Variants in CDK13 observed in about 807,000 individuals in gnomAD.
CDK13 encodes the protein cyclin-dependent kinase 13.
A neutral mutation model predicts 137.6 loss-of-function variants in CDK13; 40 were observed. The ratio of observed to expected loss-of-function variants is 0.29; its 90% CI spans 0.23 to 0.38. The LOEUF (loss-of-function observed/expected upper bound fraction) is 0.38. Ranked by LOEUF, CDK13 falls within the 10% of genes least tolerant of loss-of-function variation. The pLI is 1.00. For missense variants in CDK13, 1,704 were observed against 1,951.8 expected, an observed-to-expected ratio of 0.87 and a Z score of 2.39; for synonymous variants, 869 against 760.1, an observed-to-expected ratio of 1.14 and a Z score of -2.36.
chr7:40,011,906 A>G (rs1784902597), intron 5 of CDK13, among the ~76,000 whole-genome samples: 1 of 152,228 alleles, frequency 6.6e-6, no homozygotes. Context: ...TTGTATCTTA[A>G]ATGTATAAAT....
At chr7:39,992,357 C>T (rs1784481766) in intron 2 of CDK13, among the ~76,000 whole-genome samples, 1 of 151,940 alleles carries the variant, frequency 6.6e-6, no homozygotes, top group Non-Finnish European at 1.5e-5. Flanking sequence ...ACCAGCATGC[C>T]CAGCTAAATT....
chr7:39,954,881 C>G (rs1455489103), intron 1 of CDK13, among the ~76,000 whole-genome samples: 1 of 152,216 alleles, frequency 6.6e-6, no homozygotes, highest in Non-Finnish European at 1.5e-5. Flanking sequence ...ATCAGCCTCC[C>G]AAAGTCCAGG....
intron 9 of CDK13, chr7:40,071,784 A>G (rs903256375): frequency 2.0e-5 from 3 of 152,226 alleles, no homozygotes; most frequent in South Asian, 4.1e-4. Flanking sequence ...CTAATATTCT[A>G]ATTTCTCTGG....
intron 1 of CDK13, among the ~76,000 whole-genome samples, chr7:39,983,914 C>T (rs1784282184): frequency 6.6e-6 from 1 of 152,046 alleles, no homozygotes; most frequent in Non-Finnish European, 1.5e-5. Context: ...TAATTATAAG[C>T]TTATTGATAT....
chr7:39,950,792 C>G lies in CDK13; in HGVS notation c.151C>G (p.Pro51Ala), dbSNP rs949737663. The G allele has an allele frequency of 6.1e-6, 9 of 1,464,580 alleles. No homozygotes were observed. The African/African-American group carries it at 1.0e-4, about 17-fold the overall frequency. 90.7% of individuals were successfully genotyped at this position (1,464,580 alleles called of 1,614,324 possible). A position where few individuals can be genotyped will look rare whatever the true frequency, so the allele number is the denominator to read the frequency against. Residue 51 changes from proline (P) to alanine (A), a missense_variant, in exon 1 of 14, where the codon CCG becomes GCG. Pro to Ala is a conservative substitution (Grantham distance 27). Around this residue, in one of 5 missense-constraint regions of CDK13, gnomAD observed 1,051 missense variants for 931.0 expected, o/e 1.13. Transcript: ENST00000181839. ...GCTCCTGCAGCCGCAGCTCCTGCAA[C>G]CGCCGCCGCCCCCGCCGCCTCTGCT... ...LPLLQPQLLQ[P>A]PPPPPPLLFL...
intron 1 of CDK13, chr7:39,985,044 G>C (rs1784307989): frequency 1.3e-5 from 2 of 151,232 alleles, no homozygotes; most frequent in African/African-American, 4.9e-5. Flanking sequence ...TCAGCCTATT[G>C]TGCTAGCAAA....
At chr7:39,979,873 T>C (rs1234640215) in intron 1 of CDK13, among the ~76,000 whole-genome samples, 2 of 152,040 alleles carry the variant, frequency 1.3e-5, no homozygotes, top group Non-Finnish European at 2.9e-5. Flanking sequence ...GAAAATGTCA[T>C]GATGAAAGTA....
At chr7:39,982,409 C>A (rs1784248574) in intron 1 of CDK13, among the ~76,000 whole-genome samples, 1 of 152,090 alleles carries the variant, frequency 6.6e-6, no homozygotes, top group Non-Finnish European at 1.5e-5. Flanking sequence ...TTAATCCAGT[C>A]TATCATTGTT....
At chr7:39,999,852 A>G (rs1784647232) in intron 4 of CDK13, among the ~76,000 whole-genome samples, 1 of 150,748 alleles carries the variant, frequency 6.6e-6, no homozygotes, top group South Asian at 2.1e-4. Flanking sequence ...TTTTTTTGTC[A>G]TAAGCCTTAC....
intron 1 of CDK13, among the ~76,000 whole-genome samples, chr7:39,956,609 G>A (rs1382780093): frequency 4.0e-5 from 6 of 151,854 alleles, no homozygotes; most frequent in Non-Finnish European, 8.8e-5. Context: ...TTTAGGGATA[G>A]TGTCTAGGTC....
chr7:40,033,771 A>G (rs1476687597), intron 5 of CDK13, among the ~76,000 whole-genome samples: 1 of 152,142 alleles, frequency 6.6e-6, no homozygotes, highest in Non-Finnish European at 1.5e-5. Context: ...TCTATAGCCT[A>G]AAGATTTGTT....
intron 5 of CDK13, among the ~76,000 whole-genome samples, chr7:40,002,989 G>A (rs1273511929): frequency 6.6e-6 from 1 of 151,954 alleles, no homozygotes; most frequent in African/African-American, 2.4e-5. Flanking sequence ...TGAGGCAGGA[G>A]GATCTCTTGA....
chr7:39,960,404 C>T (rs1020945214), intron 1 of CDK13, among the ~76,000 whole-genome samples: 1 of 151,754 alleles, frequency 6.6e-6, no homozygotes, highest in South Asian at 2.1e-4. Context: ...TACAGGCGCC[C>T]GTCACCACGC....
intron 7 of CDK13, among the ~76,000 whole-genome samples, chr7:40,055,384 C>A (rs1178725454): frequency 6.6e-6 from 1 of 151,938 alleles, no homozygotes; most frequent in Non-Finnish European, 1.5e-5. Context: ...TGTGCAAATA[C>A]TGGGTATAGA....
At chr7:40,074,699 C>T (rs1045549114) in intron 9 of CDK13, among the ~76,000 whole-genome samples, 2 of 151,060 alleles carry the variant, frequency 1.3e-5, no homozygotes, top group African/African-American at 4.9e-5. Flanking sequence ...GTGGCATATT[C>T]CTGTAGTCTC....
intron 5 of CDK13, among the ~76,000 whole-genome samples, chr7:40,012,317 T>C (rs1402500206): frequency 1.3e-5 from 2 of 152,128 alleles, no homozygotes; most frequent in Non-Finnish European, 2.9e-5. Context: ...GAATTGTCAT[T>C]AGGTGTGGTG....
chr7:40,036,239 T>C (rs1026042747), intron 5 of CDK13, among the ~76,000 whole-genome samples: 2 of 152,124 alleles, frequency 1.3e-5, no homozygotes, highest in Admixed American at 6.5e-5. Flanking sequence ...TTTTAAAATA[T>C]AGGAACATGA....
chr7:40,057,536 G>A (rs1258535459), intron 7 of CDK13, among the ~76,000 whole-genome samples: 2 of 152,192 alleles, frequency 1.3e-5, no homozygotes, highest in East Asian at 3.8e-4. Flanking sequence ...ACTGCAGTGA[G>A]GATGGGAAAT....
At chr7:40,000,632 G>A (rs759608502) in intron 4 of CDK13, among the ~76,000 whole-genome samples, 1 of 152,140 alleles carries the variant, frequency 6.6e-6, no homozygotes, top group Non-Finnish European at 1.5e-5. Flanking sequence ...ACTACTGAGG[G>A]CAATTACTGC....
Sources: gnomAD v4.1 joint callset for allele counts (sites outside exome capture counted in the v4.1 genomes callset) on GRCh38, gnomAD v4.1.1 for gene constraint, gnomAD v4.1.1 regional missense constraint, MANE v1.5 for transcripts, NCBI Gene and HGNC (gene_info 2026-07-23, HGNC 2026-07-21) for gene names.